MEGF8: variants seen among roughly 807,000 people sequenced by gnomAD.
MEGF8 encodes the protein multiple EGF like domains 8, also known as multiple epidermal growth factor-like domains protein 8.
MEGF8 carries 156 observed loss-of-function variants against 302.9 expected under a neutral mutation model. That is an observed-to-expected ratio of 0.52 (90% CI 0.45 to 0.59). The LOEUF (loss-of-function observed/expected upper bound fraction) is 0.59. MEGF8 is among the 20% of genes least tolerant of loss of function. The pLI, the probability that MEGF8 is intolerant of heterozygous loss-of-function variation, is 0.00. For synonymous variants in MEGF8, 1,621 were observed against 1,660.5 expected, an observed-to-expected ratio of 0.98 and a Z score of 0.58; for missense variants, 3,345 against 3,964.5, an observed-to-expected ratio of 0.84 and a Z score of 4.20.
At chr19:42,370,606 G>A in intron 39 of MEGF8, 95 bp from the exon 40 acceptor site, 1 of 1,419,452 alleles carries the variant, frequency 7.0e-7, no homozygotes, top group East Asian at 2.5e-5. Context: ...TCCTGGGTCT[G>A]AGGGAGGAGT....
At chr19:42,339,195 T>C (rs2039178912) in intron 8 of MEGF8, among the ~76,000 whole-genome samples, 1 of 152,224 alleles carries the variant, frequency 6.6e-6, no homozygotes, top group Non-Finnish European at 1.5e-5. Flanking sequence ...GTCTTTGCTA[T>C]TGTGAACAGT....
Position 42,353,043 on chromosome 19 carries a change from G to GC in MEGF8, c.3472dup (p.Arg1158ProfsTer49), listed in dbSNP as rs2039399673. ...TCCCACACCCGCCCCGGGTCCGCCA[G>GC]CCCCCCGCTGCTCCCGGGACTGTGG... is the stretch of plus-strand genomic sequence containing the variant. On this transcript the variant is annotated frameshift_variant, in exon 20 of 42. Transcript: ENST00000251268. LOFTEE classifies it high-confidence loss of function. The surrounding 1 kb of genome is among the most constrained non-coding windows in gnomAD (Gnocchi z 6.1). 2 of 1,553,056 alleles carry GC rather than the reference G, an allele frequency of 1.3e-6. No individual in the cohort carries two copies. Among genetic ancestry groups the GC allele is most frequent in the Non-Finnish European group, 8.7e-7 (1 of 1,148,680 alleles).
chr19:42,358,701 A>C lies in MEGF8; in HGVS notation c.5176-86A>C. On this transcript the variant is annotated intron_variant, in intron 29 of 41. Transcript: ENST00000251268. The surrounding 1 kb of genome is among the most constrained non-coding windows in gnomAD (Gnocchi z 4.4). Reference sequence around the variant, plus strand: ...AGAGAGGCTGGTGGTTTCAGTCCACACGTTTCCAAGCCCGTCTTGGAGGCA... The same window carrying C: ...AGAGAGGCTGGTGGTTTCAGTCCACCCGTTTCCAAGCCCGTCTTGGAGGCA... 7.0e-7 allele frequency: 1 copy of C among 1,429,546 alleles called. No homozygotes were observed. Among genetic ancestry groups the C allele is most frequent in the Non-Finnish European group, 9.3e-7 (1 of 1,080,322 alleles). 88.6% of individuals were successfully genotyped at this position (1,429,546 alleles called of 1,614,324 possible).
Position 42,356,642 on chromosome 19 carries a change from C to A in MEGF8, c.4623-132C>A. On this transcript the variant is annotated intron_variant, in intron 26 of 41. Coordinates refer to ENST00000251268, the MANE Select transcript of MEGF8 (RefSeq NM_001271938.2). This position sits in a 1 kb window ranked among gnomAD's most constrained non-coding sequence, Gnocchi z 5.2. ...CAGGGTACTTATTTGGGTGGTGCTA[C>A]TCCAGGGAATGGCAAGAGGACTGTC... is the stretch of plus-strand genomic sequence containing the variant. The A allele has an allele frequency of 1.9e-6, 2 of 1,047,536 alleles. No homozygotes were observed. The highest frequency in any genetic ancestry group is 2.7e-6 in the Non-Finnish European group (2 of 736,292). 64.9% of individuals were successfully genotyped at this position (1,047,536 alleles called of 1,614,324 possible).
In MEGF8 at chr19:42,358,778, T is replaced by C. The variant is rs1302933774; in HGVS notation, c.5176-9T>C. The C allele has an allele frequency of 1.3e-6, 2 of 1,521,784 alleles. No individual in the cohort carries two copies. 94.3% of individuals were successfully genotyped at this position (1,521,784 alleles called of 1,614,324 possible). On this transcript the variant is annotated splice_polypyrimidine_tract_variant and intron_variant, in intron 29 of 41. Transcript: ENST00000251268. The surrounding 1 kb of genome is among the most constrained non-coding windows in gnomAD (Gnocchi z 4.4). Reference sequence around the variant, plus strand: ...AGCCTCAACCCCAGGACGCCCCCACTGTCACTAGCGAGATCGTATGAGGAA... The same window carrying C: ...AGCCTCAACCCCAGGACGCCCCCACCGTCACTAGCGAGATCGTATGAGGAA...
intron 1 of MEGF8, among the ~76,000 whole-genome samples, chr19:42,328,674 G>A (rs2039017419): frequency 1.3e-5 from 2 of 152,004 alleles, no homozygotes; most frequent in South Asian, 4.2e-4. Flanking sequence ...GGTGGCTCAC[G>A]CCTGTAATCC....
chr19:42,349,404 G>A lies in MEGF8; in HGVS notation c.2299-95G>A, dbSNP rs534635207. 1.2e-4 allele frequency: 127 copies of A among 1,087,868 alleles called. No homozygotes were observed. In the African/African-American group the frequency reaches 1.8e-3, roughly 15 times the overall value. 67.4% of individuals were successfully genotyped at this position (1,087,868 alleles called of 1,614,324 possible). A position where few individuals can be genotyped will look rare whatever the true frequency, so the allele number is the denominator to read the frequency against. ...GCTCTGAGGCCCTCTTCTTAGGAGG[G>A]GGTGGGGTACAGGGTGGGTTTGGAG... On this transcript the variant is annotated intron_variant, in intron 13 of 41. Transcript: ENST00000251268.
At chr19:42,343,770 C>T in intron 9 of MEGF8, 139 bp downstream of exon 9, 1 of 1,365,934 alleles carries the variant, frequency 7.3e-7, no homozygotes, top group East Asian at 2.5e-5. Flanking sequence ...GAAGGAGGTC[C>T]CTGGGGCAGA....
rs1006681871 is a variant in MEGF8, at chr19:42,358,372, G to A, written c.5175+65G>A. ...GGAGGGAGGGGTCCTCTTTCCCAGT[G>A]CCCCAGGGACTGGCTCCATCCCAGA... On this transcript the variant is annotated intron_variant, in intron 29 of 41. Transcript: ENST00000251268. The surrounding 1 kb of genome is among the most constrained non-coding windows in gnomAD (Gnocchi z 4.4). The A allele has an allele frequency of 6.7e-7, 1 of 1,498,804 alleles. No homozygotes were observed. The highest frequency in any genetic ancestry group is 1.4e-5 in the African/African-American group (1 of 70,068). 92.8% of individuals were successfully genotyped at this position (1,498,804 alleles called of 1,614,324 possible). A position where few individuals can be genotyped will look rare whatever the true frequency, so the allele number is the denominator to read the frequency against.
rs759831641 is a variant in MEGF8, at chr19:42,349,591, G to C, written c.2391G>C (p.Arg797=). The C allele has an allele frequency of 4.3e-6, 7 of 1,611,722 alleles. No homozygotes were observed. The highest frequency in any genetic ancestry group is 5.1e-6 in the Non-Finnish European group (6 of 1,179,850). The change falls in exon 14 of 42, where the codon CGG becomes CGC. Residue 797 remains arginine, a synonymous_variant. Transcript: ENST00000251268. ...CTCGCCTCTTCCCTCTGCCTGGGCG[G>C]GACCACAAGTATGCAGTAGAGATCC... The part of the protein sequence containing the change: ...GSARLFPLPG[R]DHKYAVEIQG...
At chr19:42,340,978 A>C (rs993153882) in intron 8 of MEGF8, among the ~76,000 whole-genome samples, 2 of 152,060 alleles carry the variant, frequency 1.3e-5, no homozygotes, top group African/African-American at 4.8e-5. Flanking sequence ...TATTGTTACT[A>C]TTTTAGAGGC....
At chr19:42,345,698 A>G (rs2039279809) in intron 12 of MEGF8, among the ~76,000 whole-genome samples, 1 of 152,204 alleles carries the variant, frequency 6.6e-6, no homozygotes, top group South Asian at 2.1e-4. Flanking sequence ...TCATCAGCTG[A>G]TGGACGTTTG....
intron 3 of MEGF8, among the ~76,000 whole-genome samples, chr19:42,334,681 C>T (rs963838193): frequency 3.3e-5 from 5 of 152,204 alleles, no homozygotes; most frequent in South Asian, 2.1e-4. Flanking sequence ...ATGTCAACTA[C>T]GCTGTCTGTA....
intron 23 of MEGF8, among the ~76,000 whole-genome samples, chr19:42,355,018 G>T (rs554285088): frequency 6.6e-6 from 1 of 152,126 alleles, no homozygotes; most frequent in Non-Finnish European, 1.5e-5. Flanking sequence ...GTGTAGTAGC[G>T]CAATCTCAGC....
rs778498838 is a variant in MEGF8 at position 42,335,050 on chromosome 19, C to T, written c.574C>T (p.Arg192Cys). Residue 192 changes from arginine to cysteine, a missense_variant, in exon 4 of 42, where the codon CGC becomes TGC. By Grantham distance (180) the Arg-to-Cys change is radical. Coordinates refer to ENST00000251268, the MANE Select transcript of MEGF8 (RefSeq NM_001271938.2). Reference protein sequence around the residue: ...GTCASPLGPCRCEPGFLGRAC... With the variant: ...GTCASPLGPCCCEPGFLGRAC... ...TTTCCCGCAGCCCCTGGGACCATGC[C>T]GCTGTGAGCCTGGCTTCTTGGGACG... The T allele has an allele frequency of 4.5e-5, 73 of 1,612,796 alleles. No individual in the cohort carries two copies. The Middle Eastern group carries it at 8.2e-4, about 18-fold the overall frequency.
intron 41 of MEGF8, among the ~76,000 whole-genome samples, chr19:42,374,031 G>C (rs556428422): frequency 2.7e-4 from 41 of 152,250 alleles, no homozygotes; most frequent in African/African-American, 9.4e-4. Flanking sequence ...TTCTAATAGT[G>C]ATTGCAGTAA....
At position 42,369,094 on chromosome 19, in the gene MEGF8, A is replaced by G. The variant is rs2039648776; in HGVS notation, c.6641+92A>G. ...GATGAGGCCTAGAGCCAAGCAGGAC[A>G]GAAGAAAAGAAAGCTCGAGGCATGA... On this transcript the variant is annotated intron_variant, in intron 37 of 41. Transcript: ENST00000251268. The surrounding 1 kb of genome is among the most constrained non-coding windows in gnomAD (Gnocchi z 5.7). 6.7e-7 allele frequency: 1 copy of G among 1,483,978 alleles called. No individual in the cohort carries two copies. Among genetic ancestry groups the G allele is most frequent in the African/African-American group, 1.4e-5 (1 of 71,512 alleles). The allele number at this position is 1,483,978 out of a possible 1,614,324, so 91.9% of individuals were successfully genotyped here.
Position 42,362,609 on chromosome 19 carries a change from G to A in MEGF8, c.6058+12G>A. On this transcript the variant is annotated intron_variant, in intron 34 of 41. Transcript: ENST00000251268. ...GTTCAAGAGGACAGGTGAGCAGTGG[G>A]CCTAGTTCCTGAGAGGGGAGTCTTG... The A allele has an allele frequency of 7.5e-6, 12 of 1,607,378 alleles. No individual in the cohort carries two copies. The highest frequency in any genetic ancestry group is 1.0e-5 in the Non-Finnish European group (12 of 1,178,700).
At chr19:42,349,352 A>G in intron 13 of MEGF8, 147 bp from the exon 14 acceptor site, 1 of 593,566 alleles carries the variant, frequency 1.7e-6, no homozygotes, top group Non-Finnish European at 2.8e-6. Flanking sequence ...TGGGGGTCTC[A>G]CCTCTGAGGT....
Sources: gnomAD v4.1 joint callset for allele counts (sites outside exome capture counted in the v4.1 genomes callset) on GRCh38, gnomAD v4.1.1 for gene constraint, Gnocchi (gnomAD v3.1) non-coding constraint, MANE v1.5 for transcripts, NCBI Gene and HGNC (gene_info 2026-07-23, HGNC 2026-07-21) for gene names.